The following HCN1 variants were observed in gnomAD, a reference collection of about 807,000 sequenced individuals.
HCN1 encodes potassium/sodium hyperpolarization-activated cyclic nucleotide-gated channel 1.
Under a neutral mutation model 78.9 loss-of-function variants are expected in HCN1, and 13 were observed. That is an observed-to-expected ratio of 0.16 (90% CI 0.11 to 0.26). HCN1 has a LOEUF of 0.26. Ranked by LOEUF, HCN1 falls within the 10% of genes least tolerant of loss-of-function variation. The pLI is 1.00. For synonymous variants in HCN1, 552 were observed against 455.5 expected, an observed-to-expected ratio of 1.21 and a Z score of -2.70; for missense variants, 810 against 1,154.3, an observed-to-expected ratio of 0.70 and a Z score of 4.32.
chr5:45,525,181 C>T (rs1339185429), intron 2 of HCN1, among the ~76,000 whole-genome samples: 2 of 152,024 alleles, frequency 1.3e-5, no homozygotes, highest in Non-Finnish European at 2.9e-5. Context: ...TACATTGAAC[C>T]AGCCTTACAT....
intron 2 of HCN1, among the ~76,000 whole-genome samples, chr5:45,498,345 A>G (rs1191456409): frequency 2.0e-5 from 3 of 152,028 alleles, no homozygotes; most frequent in Admixed American, 1.3e-4. Context: ...TTCATGTTCC[A>G]TCGCTGATAC....
intron 2 of HCN1, among the ~76,000 whole-genome samples, chr5:45,598,566 T>C (rs187642017): frequency 5.9e-5 from 9 of 151,976 alleles, no homozygotes; most frequent in Admixed American, 2.6e-4. Flanking sequence ...AATAGACAAA[T>C]GGGATCTAAT....
At chr5:45,673,141 G>A (rs529766529) in intron 1 of HCN1, among the ~76,000 whole-genome samples, 12 of 151,392 alleles carry the variant, frequency 7.9e-5, no homozygotes, top group South Asian at 2.1e-4. Context: ...GGGGGTACTC[G>A]TCATATACTT....
rs758849997 is a variant in HCN1 at position 45,262,596 on chromosome 5, C to A, written c.1998G>T (p.Pro666=). ...GAGACAGGCTGGTCGCTGTGTACAC[C>A]GGTGGAGATTGTGTCCTCATGCGGG... ...PTSRMRTQSP[P]VYTATSLSHS... Residue 666 remains proline, a synonymous_variant, in exon 8 of 8, where the codon CCG becomes CCT. Transcript: ENST00000303230. 2 of 1,613,684 alleles carry A rather than the reference C, an allele frequency of 1.2e-6. No homozygotes were observed. Among genetic ancestry groups the A allele is most frequent in the Non-Finnish European group, 1.7e-6 (2 of 1,179,994 alleles).
intron 6 of HCN1, among the ~76,000 whole-genome samples, chr5:45,296,352 A>G (rs148404292): frequency 1.3e-5 from 2 of 152,102 alleles, no homozygotes; most frequent in African/African-American, 2.4e-5. Context: ...AAATCCCTAT[A>G]TATTTATCAC....
chr5:45,372,867 T>C (rs1561128889), intron 4 of HCN1, among the ~76,000 whole-genome samples: 1 of 143,596 alleles, frequency 7.0e-6, no homozygotes, highest in Non-Finnish European at 1.5e-5. Context: ...TACACAAAAA[T>C]ATGTACGTAT....
At chr5:45,540,396 T>C (rs1382851572) in intron 2 of HCN1, among the ~76,000 whole-genome samples, 3 of 151,618 alleles carry the variant, frequency 2.0e-5, no homozygotes, top group Non-Finnish European at 4.4e-5. Context: ...GGCATGATCA[T>C]GGTTCATTGC....
chr5:45,660,541 G>A (rs1473200048), intron 1 of HCN1, among the ~76,000 whole-genome samples: 1 of 151,796 alleles, frequency 6.6e-6, no homozygotes, highest in African/African-American at 2.4e-5. Context: ...CCATCAGTGT[G>A]CTGTATTCAG....
intron 2 of HCN1, among the ~76,000 whole-genome samples, chr5:45,500,833 C>T (rs1183146827): frequency 6.6e-6 from 1 of 152,110 alleles, no homozygotes; most frequent in Admixed American, 6.6e-5. Context: ...TTTCTGGAGG[C>T]TAACTCACAT....
intron 3 of HCN1, among the ~76,000 whole-genome samples, chr5:45,423,875 A>G (rs549501461): frequency 1.8e-3 from 267 of 152,036 alleles, no homozygotes; most frequent in African/African-American, 6.1e-3. Flanking sequence ...TCCTACCTAA[A>G]CCTCTTTGAG....
At chr5:45,407,355 T>C (rs945175136) in intron 3 of HCN1, among the ~76,000 whole-genome samples, 2 of 152,098 alleles carry the variant, frequency 1.3e-5, no homozygotes, top group Non-Finnish European at 2.9e-5. Flanking sequence ...TATGATTATG[T>C]ATGGTATATA....
At chr5:45,497,938 T>TCTC (rs1421277007) in intron 2 of HCN1, among the ~76,000 whole-genome samples, 19 of 152,238 alleles carry the variant, frequency 1.2e-4, no homozygotes, top group African/African-American at 4.3e-4. Flanking sequence ...GCTTGTAGAG[T>TCTC]TTCTGCCGAG....
intron 5 of HCN1, among the ~76,000 whole-genome samples, chr5:45,317,142 C>T (rs530081207): frequency 7.9e-5 from 12 of 152,230 alleles, no homozygotes; most frequent in African/African-American, 2.9e-4. Context: ...AAGCTGGAGG[C>T]ATCACGTTAC....
chr5:45,520,996 T>C (rs984602737), intron 2 of HCN1, among the ~76,000 whole-genome samples: 6 of 151,908 alleles, frequency 3.9e-5, no homozygotes, highest in Non-Finnish European at 8.8e-5. Flanking sequence ...GAGGTTTTTT[T>C]TTTTGTTTTT....
intron 2 of HCN1, among the ~76,000 whole-genome samples, chr5:45,618,443 T>C (rs1744996619): frequency 6.6e-6 from 1 of 152,124 alleles, no homozygotes; most frequent in African/African-American, 2.4e-5. Context: ...AGGAGCTAGA[T>C]TGATTTCTGT....
chr5:45,425,851 T>C (rs2112071948), intron 3 of HCN1, among the ~76,000 whole-genome samples: 1 of 152,250 alleles, frequency 6.6e-6, no homozygotes, highest in Non-Finnish European at 1.5e-5. Flanking sequence ...ACTAAGGGAT[T>C]TCGTTTGTAA....
chr5:45,562,022 C>T (rs948729995), intron 2 of HCN1, among the ~76,000 whole-genome samples: 1 of 152,148 alleles, frequency 6.6e-6, no homozygotes, highest in Non-Finnish European at 1.5e-5. Context: ...CTCTGTGAAT[C>T]ATTCAGTGAA....
At chr5:45,276,704 A>C (rs2111861354) in intron 6 of HCN1, among the ~76,000 whole-genome samples, 1 of 152,236 alleles carries the variant, frequency 6.6e-6, no homozygotes, top group South Asian at 2.1e-4. Context: ...ATATGAAAAA[A>C]GATTTGAGCA....
chr5:45,376,227 ATATATATTCTATATATTC>A (rs1561132361), intron 4 of HCN1, among the ~76,000 whole-genome samples: 1 of 106,532 alleles, frequency 9.4e-6, no homozygotes, highest in African/African-American at 4.2e-5. Flanking sequence ...ATTATATATA[ATATATATTCTATATATTC>A]TATATAGAAT....
Sources: gnomAD v4.1 joint callset for allele counts (sites outside exome capture counted in the v4.1 genomes callset) on GRCh38, gnomAD v4.1.1 for gene constraint, MANE v1.5 for transcripts, NCBI Gene and HGNC (gene_info 2026-07-23, HGNC 2026-07-21) for gene names.